Variants in PAK3 observed in about 807,000 individuals in gnomAD.
PAK3 encodes the protein p21 (RAC1) activated kinase 3.
Under a neutral mutation model 41.0 loss-of-function variants are expected in PAK3, and 4 were observed. The ratio of observed to expected loss-of-function variants is 0.10; its 90% confidence interval spans 0.05 to 0.22. PAK3 has a LOEUF of 0.22. PAK3 is among the 10% of genes least tolerant of loss of function. PAK3 has a pLI of 1.00. For synonymous variants in PAK3, 146 were observed against 139.6 expected, an observed-to-expected ratio of 1.05 and a Z score of -0.32; for missense variants, 205 against 409.9, an observed-to-expected ratio of 0.50 and a Z score of 4.32.
chrX:110,999,927 C>T (rs1170418547), intron 1 of PAK3, among the ~76,000 whole-genome samples: 1 of 111,325 alleles, frequency 9.0e-6, no homozygotes, highest in Admixed American at 9.5e-5. Context: ...AAGATCGCGC[C>T]ACTACATTCC....
At chrX:111,068,259 T>G (rs1358607799) in intron 1 of PAK3, among the ~76,000 whole-genome samples, 2 of 111,842 alleles carry the variant, frequency 1.8e-5, no homozygotes, top group Non-Finnish European at 3.8e-5. Context: ...TTTTCTGTTT[T>G]TATCTTAATC....
chrX:111,142,258 T>C, intron 6 of PAK3, 62 bp downstream of exon 6: 2 of 691,549 alleles, frequency 2.9e-6, no homozygotes, highest in Non-Finnish European at 2.4e-6. Context: ...AAAATAGTTT[T>C]CAAGCAAGAA....
rs7053305 is a variant in PAK3, at chrX:111,155,221, C to T, written c.468+2774C>T. Among the ~76,000 whole-genome samples, 724 of 110,482 alleles carry T rather than the reference C, an allele frequency of 6.6e-3. 16 individuals carry two copies. The highest frequency in any genetic ancestry group is 0.022 in the African/African-American group (666 of 30,257). On this transcript the variant is annotated intron_variant, in intron 8 of 17. Coordinates refer to ENST00000372007, the MANE Select transcript of PAK3 (RefSeq NM_002578.5). ...AAGTACAATACAGTATGGATAGTGG[C>T]TGAGTATAGTGGTTCATGCCTGTAA...
At chrX:111,027,471 G>GA (rs1372450953) in intron 1 of PAK3, among the ~76,000 whole-genome samples, 5 of 111,097 alleles carry the variant, frequency 4.5e-5, no homozygotes, top group African/African-American at 1.6e-4. Context: ...AAATCAGCGA[G>GA]AAAAAAACAA....
At chrX:111,146,092 G>C (rs181156293) in intron 6 of PAK3, among the ~76,000 whole-genome samples, 46 of 111,966 alleles carry the variant, frequency 4.1e-4, no homozygotes, top group African/African-American at 1.5e-3. Context: ...ACTGAAATTT[G>C]TAAGTTTATC....
At chrX:111,019,512 G>A (rs2148721896) in intron 1 of PAK3, among the ~76,000 whole-genome samples, 1 of 85,025 alleles carries the variant, frequency 1.2e-5, no homozygotes, top group South Asian at 7.4e-4. Context: ...TGGGCAACAT[G>A]GCAAAACACC....
At chrX:111,178,945 A>G (rs1268908927) in intron 11 of PAK3, among the ~76,000 whole-genome samples, 2 of 103,482 alleles carry the variant, frequency 1.9e-5, no homozygotes, top group Admixed American at 1.0e-4. Context: ...ATGCACCTGC[A>G]TACATAAACT....
At position 111,216,407 on chromosome X, in the gene PAK3, A is replaced by G. The variant is rs1295719150; in HGVS notation, c.1408-14A>G. 10 of 1,172,584 alleles carry G rather than the reference A, an allele frequency of 8.5e-6. No homozygotes were observed. Among genetic ancestry groups the G allele is most frequent in the African/African-American group, 1.8e-5 (1 of 56,318 alleles). On this transcript the variant is annotated splice_polypyrimidine_tract_variant and intron_variant, in intron 16 of 17. Transcript: ENST00000372007. The stretch of plus-strand genomic sequence containing the variant: ...ATGTATGTGCTGAATGGATTTTTCT[A>G]TTTTTTTCTACAGGCATTGTATCTG...
At chrX:111,087,134 A>AGTGTGT (rs112857612) in intron 1 of PAK3, among the ~76,000 whole-genome samples, 3 of 95,526 alleles carry the variant, frequency 3.1e-5, no homozygotes, top group African/African-American at 1.1e-4. Context: ...TGAACAAGTA[A>AGTGTGT]GTGTGTGTGT....
chrX:111,168,618 A>C (rs2149221431), intron 10 of PAK3, among the ~76,000 whole-genome samples: 1 of 111,396 alleles, frequency 9.0e-6, no homozygotes, highest in East Asian at 2.8e-4. Context: ...TTCTTTTGGT[A>C]ATCTTCATGA....
intron 1 of PAK3, among the ~76,000 whole-genome samples, chrX:111,089,837 A>T (rs1351742694): frequency 1.8e-5 from 2 of 111,126 alleles, no homozygotes; most frequent in African/African-American, 6.5e-5. Context: ...TACTTACTAC[A>T]TCTGTCTTGT....
chrX:110,971,257 C>T (rs769754509), intron 1 of PAK3, among the ~76,000 whole-genome samples: 1 of 111,970 alleles, frequency 8.9e-6, no homozygotes, highest in Admixed American at 9.5e-5. Context: ...CCATCTTCCC[C>T]GGCCATAAAC....
intron 3 of PAK3, among the ~76,000 whole-genome samples, chrX:111,100,405 C>T (rs1321923630): frequency 9.0e-6 from 1 of 111,325 alleles, no homozygotes; most frequent in Non-Finnish European, 1.9e-5. Flanking sequence ...TAAGAGCTCC[C>T]CATGCATCCC....
chrX:111,059,139 T>TTTTTTTTAAAAAAAAG (rs3033571), intron 1 of PAK3, among the ~76,000 whole-genome samples: 1 of 103,206 alleles, frequency 9.7e-6, no homozygotes, highest in African/African-American at 3.5e-5. Context: ...TTTTTTTTTT[T>TTTTTTTTAAAAAAAAG]GAAAAAAAAG....
At chrX:111,032,197 T>G (rs1394726754) in intron 1 of PAK3, among the ~76,000 whole-genome samples, 1 of 112,337 alleles carries the variant, frequency 8.9e-6, no homozygotes, top group African/African-American at 3.2e-5. Flanking sequence ...CTATAATTGC[T>G]TGTTCTAGAA....
intron 5 of PAK3, among the ~76,000 whole-genome samples, chrX:111,126,986 G>T (rs958992747): frequency 9.0e-6 from 1 of 110,703 alleles, no homozygotes; most frequent in Non-Finnish European, 1.9e-5. Context: ...TAAGCATATA[G>T]AAAAAAATAA....
chrX:111,180,464 T>C (rs1459840103), intron 11 of PAK3, among the ~76,000 whole-genome samples: 1 of 112,062 alleles, frequency 8.9e-6, no homozygotes, highest in East Asian at 2.8e-4. Context: ...AATATGTCCT[T>C]TCCAAACTGT....
chrX:111,057,560 T>G (rs1247497050), intron 1 of PAK3, among the ~76,000 whole-genome samples: 2 of 111,990 alleles, frequency 1.8e-5, no homozygotes, highest in Non-Finnish European at 3.8e-5. Context: ...TCCTAATCCT[T>G]ATATCATTTA....
At chrX:111,177,318 T>A (rs1448497127) in intron 11 of PAK3, among the ~76,000 whole-genome samples, 4 of 112,043 alleles carry the variant, frequency 3.6e-5, no homozygotes, top group African/African-American at 1.3e-4. Context: ...AACTAAATTT[T>A]TTCTCCAGCA....
Sources: allele counts gnomAD v4.1 joint callset (sites outside exome capture counted in the v4.1 genomes callset), GRCh38; gene constraint gnomAD v4.1.1; transcripts MANE v1.5; gene names NCBI Gene and HGNC (gene_info 2026-07-23, HGNC 2026-07-21).